NEB: variants seen among roughly 807,000 people sequenced by gnomAD.
NEB encodes nebulin, also known as nemaline myopathy type 2.
In NEB, 512 loss-of-function variants were observed where a neutral mutation model predicts 952.2. The observed-to-expected ratio is 0.54, with a 90% CI of 0.50 to 0.58. The LOEUF is 0.58. NEB is among the 20% of genes least tolerant of loss of function. The probability of loss-of-function intolerance (pLI) is 0.00; values close to 1 mark genes in which losing one functional copy is unlikely to be tolerated. For synonymous variants in NEB, 2,900 were observed against 3,149.8 expected (o/e 0.92, Z 2.66); for missense variants, 8,428 against 9,231.1 (o/e 0.91, Z 3.56).
Position 151,650,421 on chromosome 2 carries a change from C to T in NEB, c.7228-42G>A, listed in dbSNP as rs1202258569. 9 of 1,582,456 alleles carry T rather than the reference C, an allele frequency of 5.7e-6. 1 individual carries two copies. In the South Asian group the frequency reaches 1.0e-4, roughly 18 times the overall value. On this transcript the variant is annotated intron_variant, in intron 53 of 181. Transcript: ENST00000397345. ...CAAGCCATCAAAATCCCATTCTCACCTGGACCCTTGATTCAAGTGATTCTA... is the reference window on the plus strand; with the variant it reads ...CAAGCCATCAAAATCCCATTCTCACTTGGACCCTTGATTCAAGTGATTCTA...
intron 45 of NEB, among the ~76,000 whole-genome samples, chr2:151,662,875 C>T (rs972242416): frequency 2.0e-5 from 3 of 152,188 alleles, no homozygotes; most frequent in East Asian, 3.9e-4. Flanking sequence ...TCTCTCTACA[C>T]CTGTGCCATG....
chr2:151,554,048 C>A, intron 125 of NEB, 23 bp from the exon 126 acceptor site: 3 of 1,609,236 alleles, frequency 1.9e-6, no homozygotes, highest in South Asian at 2.2e-5. Flanking sequence ...AATCACATGC[C>A]AGTTATACAG....
chr2:151,716,328 T>C (rs1263105750), intron 10 of NEB, among the ~76,000 whole-genome samples: 1 of 152,000 alleles, frequency 6.6e-6, no homozygotes, highest in Non-Finnish European at 1.5e-5. Flanking sequence ...TTAGTAGAGA[T>C]GGGGTTTCAC....
chr2:151,498,180 T>G (rs775404536), intron 170 of NEB, 80 bp downstream of exon 170: 10 of 1,546,364 alleles, frequency 6.5e-6, no homozygotes, highest in Non-Finnish European at 8.7e-6. Context: ...GAAATGGGCT[T>G]CAAACAAAAA....
Position 151,733,151 on chromosome 2 carries a change from T to A in NEB, c.6A>T (p.Ala2=), listed in dbSNP as rs778187569. The change falls in exon 3 of 182, where the codon GCA becomes GCT. Residue 2 remains alanine (A), a synonymous_variant. Transcript: ENST00000397345. M[A]DDEDYEEVVE... ...CCACCTCCTCATAGTCTTCGTCATC[T>A]GCCATTTTTCCAGAGTAGTAGTGGC... The A allele has an allele frequency of 3.4e-5, 55 of 1,605,288 alleles. 2 individuals are homozygous for A. Among genetic ancestry groups the A allele is most frequent in the Middle Eastern group, 3.3e-4 (2 of 6,080 alleles).
rs752269554 is a variant in NEB, at chr2:151,506,250, A to G, written c.23565T>C (p.Tyr7855=). Residue 7855 remains tyrosine, a synonymous_variant, in exon 164 of 182, where the codon TAT becomes TAC. Transcript: ENST00000397345. The stretch of plus-strand genomic sequence containing the variant: ...CCGTTCCTGGTGAGACATCCTCTTT[A>G]TATAAAACCTGGGCATTCAGAATCA... ...ENQKNFSSVL[Y]KEDVSPGTAI... 2.5e-6 allele frequency: 4 copies of G among 1,612,046 alleles called. No homozygotes were observed. The highest frequency in any genetic ancestry group is 3.4e-6 in the Non-Finnish European group (4 of 1,178,158).
intron 12 of NEB, among the ~76,000 whole-genome samples, chr2:151,708,008 G>T (rs139553563): frequency 6.6e-6 from 1 of 152,086 alleles, no homozygotes; most frequent in Non-Finnish European, 1.5e-5. Context: ...CCCCCTACCC[G>T]CATCTGGGAT....
At chr2:151,486,497 A>G (rs1053349432) in intron 181 of NEB, 3 of 153,334 alleles carry the variant, frequency 2.0e-5, no homozygotes, top group African/African-American at 7.2e-5. Context: ...TTCCACTCCT[A>G]GGTGTATACC....
intron 7 of NEB, 41 bp from the exon 8 acceptor site, chr2:151,724,405 C>A (rs1172713884): frequency 8.2e-6 from 12 of 1,455,438 alleles, no homozygotes; most frequent in Non-Finnish European, 1.0e-5. Context: ...TGAGGTCTCA[C>A]CCAAAGGCAT....
At position 151,665,452 on chromosome 2, in the gene NEB, C is replaced by T. The variant is rs770782936; in HGVS notation, c.5119G>A (p.Ala1707Thr). 1.1e-5 allele frequency: 18 copies of T among 1,613,410 alleles called. No homozygotes were observed. Among genetic ancestry groups the T allele is most frequent in the South Asian group, 5.5e-5 (5 of 90,918 alleles). Residue 1707 changes from alanine (A) to threonine (T), a missense_variant, in exon 42 of 182, where the codon GCA becomes ACA. Ala to Thr is a moderately conservative substitution (Grantham distance 58). Around this residue, in one of 11 missense-constraint regions of NEB, gnomAD observed 2,851 missense variants for 2,791.5 expected, o/e 1.02. Transcript: ENST00000397345. ...TTCTTCTCACTAAGAATCTCTCCTG[C>T]TTTCTTTGCCTTCTCCACCTCCAGG... ...ESLEVEKAKK[A>T]GEILSEKKYR...
At chr2:151,650,544 T>C in intron 53 of NEB, 30 bp downstream of exon 53, 2 of 1,522,292 alleles carry the variant, frequency 1.3e-6, no homozygotes, top group Non-Finnish European at 1.8e-6. Context: ...TGAATTAATA[T>C]ATAAACTATT....
In NEB at chr2:151,688,401, A is replaced by G. The variant is rs1559266907; in HGVS notation, c.2311-5T>C. ...ATGTTTTGCTTTGTAATTCAGCTGA[A>G]AAACAAAGGATATTTGAACGGTTCA... is the stretch of plus-strand genomic sequence containing the variant. On this transcript the variant is annotated splice_region_variant and splice_polypyrimidine_tract_variant and intron_variant, in intron 24 of 181. Transcript: ENST00000397345. 6.2e-7 allele frequency: 1 copy of G among 1,608,368 alleles called. No individual in the cohort carries two copies. Among genetic ancestry groups the G allele is most frequent in the African/African-American group, 1.3e-5 (1 of 74,942 alleles).
chr2:151,547,616 T>C lies in NEB; in HGVS notation c.20262+18A>G, dbSNP rs760486663. The C allele has an allele frequency of 1.9e-6, 3 of 1,611,748 alleles. No individual in the cohort carries two copies. In the South Asian group the frequency reaches 3.3e-5, roughly 18 times the overall value. ...ATCCCTAGTCTCTACTCCCTGTCTT[T>C]CCTAAGAAAATACCCACCTCACTGA... is the stretch of plus-strand genomic sequence containing the variant. On this transcript the variant is annotated intron_variant, in intron 132 of 181. Transcript: ENST00000397345.
intron 129 of NEB, among the ~76,000 whole-genome samples, chr2:151,550,588 C>G (rs755176537): frequency 6.6e-6 from 1 of 152,162 alleles, no homozygotes; most frequent in Non-Finnish European, 1.5e-5. Flanking sequence ...AATACTCTGT[C>G]TCTTGGAGTT....
chr2:151,496,565 G>T (rs2060330145), intron 172 of NEB, among the ~76,000 whole-genome samples, 197 bp from the exon 173 acceptor site: 1 of 152,190 alleles, frequency 6.6e-6, no homozygotes, highest in Admixed American at 6.5e-5. Context: ...CTCTAGAGAA[G>T]CAGGGACCTC....
At chr2:151,701,755 T>C (rs1235486201) in intron 13 of NEB, among the ~76,000 whole-genome samples, 2 of 151,240 alleles carry the variant, frequency 1.3e-5, no homozygotes, top group Non-Finnish European at 3.0e-5. Context: ...TTCTTCTCTC[T>C]TTTTTTCTTT....
intron 155 of NEB, 36 bp from the exon 156 acceptor site, chr2:151,518,458 A>G (rs1018427371): frequency 7.8e-7 from 1 of 1,276,398 alleles, no homozygotes; most frequent in African/African-American, 1.5e-5. Context: ...ACATTGATGG[A>G]GAAGCTGCTC....
At chr2:151,716,470 G>T (rs2099759689) in intron 10 of NEB, among the ~76,000 whole-genome samples, 1 of 152,060 alleles carries the variant, frequency 6.6e-6, no homozygotes, top group Non-Finnish European at 1.5e-5. Context: ...ATGTATTTAT[G>T]TACAGTTCTA....
At chr2:151,619,130 T>C (rs1396112319) in intron 73 of NEB, among the ~76,000 whole-genome samples, 1 of 152,196 alleles carries the variant, frequency 6.6e-6, no homozygotes, top group Non-Finnish European at 1.5e-5. Context: ...ACACACATTT[T>C]TTTACTTCCT....
Sources: gnomAD v4.1 joint callset for allele counts (sites outside exome capture counted in the v4.1 genomes callset) on GRCh38, gnomAD v4.1.1 for gene constraint, gnomAD v4.1.1 regional missense constraint, MANE v1.5 for transcripts, NCBI Gene and HGNC (gene_info 2026-07-23, HGNC 2026-07-21) for gene names.